The following PDZRN4 variants were observed in gnomAD, a reference collection of about 807,000 sequenced individuals.
PDZRN4 encodes the protein PDZ domain-containing RING finger protein 4.
In PDZRN4, 70 loss-of-function variants were observed where a neutral mutation model predicts 99.0. The ratio of observed to expected loss-of-function variants is 0.71; its 90% CI spans 0.58 to 0.86. PDZRN4 has a LOEUF of 0.86. PDZRN4 is among the 40% of genes least tolerant of loss of function. PDZRN4 has a pLI of 0.00. For synonymous variants in PDZRN4, 551 were observed against 501.6 expected (o/e 1.10, Z -1.32); for missense variants, 1,474 against 1,331.2 (o/e 1.11, Z -1.67).
intron 2 of PDZRN4, among the ~76,000 whole-genome samples, chr12:41,192,296 A>G (rs1950740490): frequency 6.6e-6 from 1 of 151,928 alleles, no homozygotes; most frequent in African/African-American, 2.4e-5. Context: ...CAGAGAAAAT[A>G]CAAAATGTTG....
chr12:41,276,166 A>G (rs1167066518), intron 3 of PDZRN4, among the ~76,000 whole-genome samples: 1 of 152,166 alleles, frequency 6.6e-6, no homozygotes, highest in Non-Finnish European at 1.5e-5. Flanking sequence ...TACATATTAC[A>G]ATGGTTTGTG....
At chr12:41,410,404 G>A (rs1310359518) in intron 3 of PDZRN4, among the ~76,000 whole-genome samples, 1 of 152,168 alleles carries the variant, frequency 6.6e-6, no homozygotes, top group Non-Finnish European at 1.5e-5. Flanking sequence ...TGAAACTTGT[G>A]CATAAGTCTG....
Position 41,271,186 on chromosome 12 carries a change from T to A in PDZRN4, c.843+76998T>A, listed in dbSNP as rs547380873. 2.0e-4 allele frequency among the ~76,000 whole-genome samples: 30 copies of A among 151,892 alleles called. No homozygotes were observed. In the East Asian group the frequency reaches 2.1e-3, roughly 11 times the overall value. On this transcript the variant is annotated intron_variant, in intron 3 of 9. Transcript: ENST00000402685. ...CTTGAATGACTGTATCTAGAGATTT[T>A]AAAAAAACTAATTTAATAAATCCAC...
At chr12:41,189,639 T>C (rs539393423) in intron 1 of PDZRN4, among the ~76,000 whole-genome samples, 2 of 152,296 alleles carry the variant, frequency 1.3e-5, no homozygotes, top group African/African-American at 4.8e-5. Context: ...TTCTATTAAG[T>C]TGGGGACTGT....
At chr12:41,270,326 CTGTG>C (rs60482879) in intron 3 of PDZRN4, among the ~76,000 whole-genome samples, 7,946 of 138,454 alleles carry the variant, frequency 0.057, 229 homozygotes, top group Non-Finnish European at 0.065. Context: ...GTGTGTGTGT[CTGTG>C]TGTGTGTGTG....
At chr12:41,277,599 T>C (rs1241221889) in intron 3 of PDZRN4, among the ~76,000 whole-genome samples, 3 of 152,320 alleles carry the variant, frequency 2.0e-5, no homozygotes, top group African/African-American at 7.2e-5. Context: ...GGGTGGATGA[T>C]TGACTCTGTA....
At chr12:41,273,060 C>T (rs1461345137) in intron 3 of PDZRN4, among the ~76,000 whole-genome samples, 2 of 151,954 alleles carry the variant, frequency 1.3e-5, no homozygotes, top group Non-Finnish European at 2.9e-5. Context: ...GTCTGGGCTT[C>T]ATTTAGTAGT....
chr12:41,463,889 T>C (rs1389384305), intron 3 of PDZRN4, among the ~76,000 whole-genome samples: 2 of 152,196 alleles, frequency 1.3e-5, no homozygotes, highest in Admixed American at 6.5e-5. Context: ...CAATGAGATA[T>C]GGATTAGCCA....
chr12:41,413,919 G>C (rs1429534891), intron 3 of PDZRN4, among the ~76,000 whole-genome samples: 3 of 152,108 alleles, frequency 2.0e-5, no homozygotes, highest in Non-Finnish European at 2.9e-5. Flanking sequence ...TGTGGGCTAT[G>C]TACTTAGGTG....
chr12:41,506,529 T>C lies in PDZRN4; in HGVS notation c.917T>C (p.Ile306Thr), dbSNP rs750231745. Residue 306 changes from isoleucine to threonine, a missense_variant, in exon 4 of 10, where the codon ATT becomes ACT. Ile to Thr is a moderately conservative substitution (Grantham distance 89). Transcript: ENST00000402685. ...VEAFRNAKEPIVVQVLRRTPL... is the reference protein window; with the variant it reads ...VEAFRNAKEPTVVQVLRRTPL... ...GCTTTTCGCAATGCCAAGGAGCCCA[T>C]TGTGGTGCAGGTGTTAAGGCGAACA... 14 of 1,613,774 alleles carry C rather than the reference T, an allele frequency of 8.7e-6. No individual in the cohort carries two copies. The highest frequency in any genetic ancestry group is 3.3e-5 in the Admixed American group (2 of 59,988).
intron 9 of PDZRN4, among the ~76,000 whole-genome samples, chr12:41,570,150 C>A (rs1459884127): frequency 6.6e-6 from 1 of 152,068 alleles, no homozygotes; most frequent in African/African-American, 2.4e-5. Context: ...ACACTAGATG[C>A]CTCTGAGGTT....
At chr12:41,571,216 A>G (rs1243838029) in intron 9 of PDZRN4, among the ~76,000 whole-genome samples, 1 of 152,170 alleles carries the variant, frequency 6.6e-6, no homozygotes, top group South Asian at 2.1e-4. Context: ...ATAGATTATC[A>G]TATGATGACT....
chr12:41,207,556 A>T (rs1950859899), intron 3 of PDZRN4, among the ~76,000 whole-genome samples: 1 of 151,824 alleles, frequency 6.6e-6, no homozygotes, highest in Admixed American at 6.6e-5. Context: ...CTAATACAGG[A>T]AGTACTCACA....
intron 3 of PDZRN4, among the ~76,000 whole-genome samples, chr12:41,452,486 G>A (rs1013531155): frequency 2.0e-5 from 3 of 151,372 alleles, no homozygotes; most frequent in Non-Finnish European, 4.4e-5. Context: ...TCAGAGGTGG[G>A]AACCAAGGAG....
At chr12:41,274,011 G>T (rs943465924) in intron 3 of PDZRN4, among the ~76,000 whole-genome samples, 8 of 152,000 alleles carry the variant, frequency 5.3e-5, no homozygotes, top group African/African-American at 1.9e-4. Flanking sequence ...TCATAAAAGG[G>T]GTCTTGCCTT....
chr12:41,255,275 T>A (rs1407670130), intron 3 of PDZRN4, among the ~76,000 whole-genome samples: 2 of 152,074 alleles, frequency 1.3e-5, no homozygotes, highest in African/African-American at 4.8e-5. Flanking sequence ...GTCCTTTAGG[T>A]AAGACAGGTA....
chr12:41,554,393 G>A (rs963922801), intron 6 of PDZRN4, among the ~76,000 whole-genome samples: 4 of 152,098 alleles, frequency 2.6e-5, no homozygotes, highest in African/African-American at 9.7e-5. Flanking sequence ...CACAGGATCT[G>A]AACATATGTA....
At chr12:41,240,388 G>A (rs74862506) in intron 3 of PDZRN4, among the ~76,000 whole-genome samples, 3,327 of 152,188 alleles carry the variant, frequency 0.022, 87 homozygotes, top group African/African-American at 0.064. Context: ...TAGTTTTTCA[G>A]CATCATACTA....
chr12:41,408,115 G>A (rs1403824603), intron 3 of PDZRN4, among the ~76,000 whole-genome samples: 1 of 152,104 alleles, frequency 6.6e-6, no homozygotes, highest in Non-Finnish European at 1.5e-5. Flanking sequence ...AGAAAAAAAT[G>A]TCAGAAATAA....
Sources: allele counts gnomAD v4.1 joint callset (sites outside exome capture counted in the v4.1 genomes callset), GRCh38; gene constraint gnomAD v4.1.1; transcripts MANE v1.5; gene names NCBI Gene and HGNC (gene_info 2026-07-23, HGNC 2026-07-21).